The following ZFP41 variants were observed in gnomAD, a reference collection of about 807,000 sequenced individuals.
The protein encoded by ZFP41 is ZFP41 zinc finger protein.
ZFP41 carries 10 observed loss-of-function variants against 11.6 expected under a neutral mutation model. The ratio of observed to expected loss-of-function variants is 0.86; its 90% CI spans 0.53 to 1.47. The LOEUF (loss-of-function observed/expected upper bound fraction) is 1.47, where lower values mean the gene tolerates loss of function less well. Ranked by LOEUF, ZFP41 falls within the 40% of genes most tolerant of loss-of-function variation. The probability of loss-of-function intolerance (pLI) is 0.00; values close to 1 mark genes in which losing one functional copy is unlikely to be tolerated. For synonymous variants in ZFP41, 123 were observed against 100.9 expected, an observed-to-expected ratio of 1.22 and a Z score of -1.31; for missense variants, 302 against 264.6, an observed-to-expected ratio of 1.14 and a Z score of -0.98.
chr8:143,257,980 A>G (rs1205200066), intron 2 of ZFP41, among the ~76,000 whole-genome samples: 1 of 152,244 alleles, frequency 6.6e-6, no homozygotes, highest in Admixed American at 6.5e-5. Context: ...TAATCTGGAT[A>G]TCAAAATTAC....
At chr8:143,254,225 G>C (rs1814852280) in intron 2 of ZFP41, among the ~76,000 whole-genome samples, 1 of 152,206 alleles carries the variant, frequency 6.6e-6, no homozygotes, top group Non-Finnish European at 1.5e-5. Flanking sequence ...TACCTGTGCA[G>C]CCTGCAGAAC....
chr8:143,249,035 C>G (rs924804088), intron 1 of ZFP41: 1 of 152,246 alleles, frequency 6.6e-6, no homozygotes, highest in Non-Finnish European at 1.5e-5. Flanking sequence ...TGCATATCAG[C>G]TCCACTTTCT....
chr8:143,259,891 T>C lies in ZFP41; in HGVS notation c.*1017T>C, dbSNP rs1403628971. 1 of 152,242 alleles carries C rather than the reference T, an allele frequency of 6.6e-6. No homozygotes were observed. Among genetic ancestry groups the C allele is most frequent in the East Asian group, 1.9e-4 (1 of 5,178 alleles). 9.4% of individuals were successfully genotyped at this position (152,242 alleles called of 1,614,324 possible). On this transcript the variant is annotated 3_prime_UTR_variant, in exon 3 of 3. Coordinates refer to ENST00000330701, the MANE Select transcript of ZFP41 (RefSeq NM_173832.6). ...TCCTCAGTTAGAGGAGGAGCAGAGA[T>C]GAAGAAAAGGAGAAGAAAAGCGCTG...
intron 2 of ZFP41, among the ~76,000 whole-genome samples, chr8:143,257,017 C>A (rs1189607544): frequency 6.6e-6 from 1 of 152,298 alleles, no homozygotes; most frequent in East Asian, 1.9e-4. Context: ...CCTACATGAC[C>A]CAGGTGAAAG....
intron 2 of ZFP41, among the ~76,000 whole-genome samples, chr8:143,254,757 C>T (rs1027360775): frequency 1.3e-5 from 2 of 151,790 alleles, no homozygotes; most frequent in African/African-American, 4.8e-5. Flanking sequence ...TTCAGCATCC[C>T]GAGTAGCTGG....
chr8:143,256,370 G>C (rs111727052), intron 2 of ZFP41, among the ~76,000 whole-genome samples: 1 of 140,484 alleles, frequency 7.1e-6, no homozygotes. Flanking sequence ...TGAGATCAGG[G>C]CTCGCCCCGC....
intron 1 of ZFP41, 77 bp from the exon 2 acceptor site, chr8:143,249,613 G>A: frequency 1.8e-6 from 1 of 557,682 alleles, no homozygotes; most frequent in East Asian, 3.2e-5. Context: ...CATGGGAAGG[G>A]AGGGGCCGCA....
At chr8:143,255,072 G>A (rs1164304004) in intron 2 of ZFP41, among the ~76,000 whole-genome samples, 2 of 152,224 alleles carry the variant, frequency 1.3e-5, no homozygotes, top group African/African-American at 4.8e-5. Context: ...AGAGACGCCT[G>A]CAGCAGCGCA....
intron 2 of ZFP41, among the ~76,000 whole-genome samples, chr8:143,254,630 CTT>C (rs56112135): frequency 5.0e-4 from 57 of 114,998 alleles, no homozygotes; most frequent in African/African-American, 1.4e-3. Context: ...GGGAGCGTTA[CTT>C]TTTTTTTTTT....
intron 2 of ZFP41, among the ~76,000 whole-genome samples, chr8:143,256,633 T>C (rs1281102317): frequency 6.6e-6 from 1 of 152,220 alleles, no homozygotes; most frequent in African/African-American, 2.4e-5. Context: ...ATCCCAGTGC[T>C]TTGGAAGGCC....
chr8:143,256,359 G>T (rs1814913079), intron 2 of ZFP41, among the ~76,000 whole-genome samples: 2 of 133,994 alleles, frequency 1.5e-5, no homozygotes, highest in Non-Finnish European at 3.2e-5. Flanking sequence ...GCTGGAGTTA[G>T]TGAGATCAGG....
rs548838885 is a variant in ZFP41, at chr8:143,250,621, C to T, written c.*181C>T. The T allele has an allele frequency of 1.6e-4, 149 of 934,920 alleles. No homozygotes were observed. In the African/African-American group the frequency reaches 2.2e-3, roughly 14 times the overall value. The allele number at this position is 934,920 out of a possible 1,614,324, so 57.9% of individuals were successfully genotyped here. On this transcript the variant is annotated 3_prime_UTR_variant, in exon 2 of 3. Coordinates refer to ENST00000330701, the MANE Select transcript of ZFP41 (RefSeq NM_173832.6). The stretch of plus-strand genomic sequence containing the variant: ...GGGAACGTGCCAGCGAGGGAGAGAC[C>T]TTTCCACTGCAGAGAGTCTCTCTGA...
At chr8:143,249,048 C>T (rs1467361880) in intron 1 of ZFP41, 1 of 152,250 alleles carries the variant, frequency 6.6e-6, no homozygotes, top group Non-Finnish European at 1.5e-5. Flanking sequence ...CACTTTCTAC[C>T]TAGGGTCAAC....
intron 2 of ZFP41, among the ~76,000 whole-genome samples, 172 bp downstream of exon 2, chr8:143,251,512 G>GT (rs1814753851): frequency 6.6e-6 from 1 of 152,234 alleles, no homozygotes; most frequent in South Asian, 2.1e-4. Context: ...AGGAGGTAAG[G>GT]TTTTTTATTG....
chr8:143,258,439 T>C (rs1249335258), intron 2 of ZFP41, among the ~76,000 whole-genome samples: 1 of 152,124 alleles, frequency 6.6e-6, no homozygotes, highest in Non-Finnish European at 1.5e-5. Flanking sequence ...GAAGGAGCCA[T>C]GTCCTGGAGT....
At chr8:143,251,364 G>C (rs1814750040) in intron 2 of ZFP41, 24 bp downstream of exon 2, 1 of 158,838 alleles carries the variant, frequency 6.3e-6, no homozygotes, top group African/African-American at 2.4e-5. Flanking sequence ...CTTCATGCCT[G>C]TACCCAGTCC....
At chr8:143,254,606 C>T (rs1356251931) in intron 2 of ZFP41, among the ~76,000 whole-genome samples, 1 of 150,244 alleles carries the variant, frequency 6.7e-6, no homozygotes, top group African/African-American at 2.4e-5. Context: ...TGCTTTTCCC[C>T]GTTACTGACA....
intron 2 of ZFP41, among the ~76,000 whole-genome samples, chr8:143,256,931 G>A: frequency 6.6e-6 from 1 of 152,274 alleles, no homozygotes; most frequent in East Asian, 1.9e-4. Flanking sequence ...ACCAAGAGCT[G>A]AAGCCGGAGG....
chr8:143,250,543 C>G lies in ZFP41; in HGVS notation c.*103C>G. Reference sequence around the variant, plus strand: ...CGTCTGATGGGGGCGCAGGGCCGTGCGCACTGTGTTCCGTGCCCTGGGGAC... The same window carrying G: ...CGTCTGATGGGGGCGCAGGGCCGTGGGCACTGTGTTCCGTGCCCTGGGGAC... On this transcript the variant is annotated 3_prime_UTR_variant, in exon 2 of 3. Coordinates refer to ENST00000330701, the MANE Select transcript of ZFP41 (RefSeq NM_173832.6). 1 of 1,516,470 alleles carries G rather than the reference C, an allele frequency of 6.6e-7. No homozygotes were observed. The highest frequency in any genetic ancestry group is 8.8e-7 in the Non-Finnish European group (1 of 1,132,418). 93.9% of individuals were successfully genotyped at this position (1,516,470 alleles called of 1,614,324 possible).
Sources: allele counts gnomAD v4.1 joint callset (sites outside exome capture counted in the v4.1 genomes callset), GRCh38; gene constraint gnomAD v4.1.1; transcripts MANE v1.5; gene names NCBI Gene and HGNC (gene_info 2026-07-23, HGNC 2026-07-21).